Variants in CRYBG3 observed in about 807,000 individuals in gnomAD.
CRYBG3 encodes very large A-kinase anchor protein.
In CRYBG3, 127 loss-of-function variants were observed where a neutral mutation model predicts 244.2. The observed-to-expected ratio is 0.52, with a 90% confidence interval of 0.45 to 0.60. The LOEUF (loss-of-function observed/expected upper bound fraction) is 0.60. Among genes scored for constraint, CRYBG3 ranks in the 20% least tolerant of loss-of-function variants. The pLI, the probability that CRYBG3 is intolerant of heterozygous loss-of-function variation, is 0.00. For synonymous variants in CRYBG3, 1,132 were observed against 1,195.8 expected, an observed-to-expected ratio of 0.95 and a Z score of 1.10; for missense variants, 3,325 against 3,442.5, an observed-to-expected ratio of 0.97 and a Z score of 0.85.
chr3:97,823,209 G>A (rs1168323604), intron 1 of CRYBG3, among the ~76,000 whole-genome samples: 6 of 152,194 alleles, frequency 3.9e-5, no homozygotes, highest in Admixed American at 1.3e-4. Flanking sequence ...GAGGGGTTAA[G>A]TAAAACGCAG....
In CRYBG3 at chr3:97,874,755, C is replaced by T. The variant is rs1281709806; in HGVS notation, c.3561C>T (p.Asp1187=). Residue 1187 remains aspartate (D), a synonymous_variant, in exon 4 of 22, where the codon GAC becomes GAT. Transcript: ENST00000389622. The part of the protein sequence containing the change: ...EHIEARRRAH[D]QLLDLKSSLL... ...TAGAAGCCAGGAGAAGAGCACATGA[C>T]CAACTTTTGGACCTCAAAAGTAGTT... The T allele has an allele frequency of 1.3e-6, 2 of 1,535,938 alleles. No homozygotes were observed. Among genetic ancestry groups the T allele is most frequent in the Non-Finnish European group, 1.7e-6 (2 of 1,146,854 alleles).
intron 17 of CRYBG3, among the ~76,000 whole-genome samples, chr3:97,930,427 A>G (rs982380169): frequency 1.1e-4 from 16 of 152,008 alleles, no homozygotes; most frequent in Non-Finnish European, 2.1e-4. Flanking sequence ...AACTGTTGGG[A>G]TGCTTCCAAT....
At chr3:97,879,003 A>G (rs537193554) in intron 4 of CRYBG3, among the ~76,000 whole-genome samples, 1 of 152,174 alleles carries the variant, frequency 6.6e-6, no homozygotes, top group Non-Finnish European at 1.5e-5. Flanking sequence ...ACCTTAAACA[A>G]TCTTCATGGC....
chr3:97,901,560 C>G (rs2108241225), intron 15 of CRYBG3, among the ~76,000 whole-genome samples: 1 of 152,290 alleles, frequency 6.6e-6, no homozygotes, highest in South Asian at 2.1e-4. Context: ...TATTTAGAGA[C>G]ACTTCCTGCC....
chr3:97,890,083 C>T (rs1180267595), intron 10 of CRYBG3, among the ~76,000 whole-genome samples: 3 of 152,196 alleles, frequency 2.0e-5, no homozygotes, highest in Non-Finnish European at 4.4e-5. Context: ...ACTCCTTCAA[C>T]TCTCCCATTT....
rs750109765 is a variant in CRYBG3 at position 97,941,260 on chromosome 3, A to G, written c.8618A>G (p.Lys2873Arg). The G allele has an allele frequency of 1.9e-6, 3 of 1,611,486 alleles. No individual in the cohort carries two copies. Among genetic ancestry groups the G allele is most frequent in the Middle Eastern group, 1.7e-4 (1 of 6,046 alleles). Residue 2873 changes from lysine to arginine, a missense_variant, in exon 20 of 22, where the codon AAG becomes AGG. Lys to Arg is a conservative substitution (Grantham distance 26). Coordinates refer to ENST00000389622, the MANE Select transcript of CRYBG3 (RefSeq NM_153605.4). ...GTGTGCATTTCTCCCTATAGTGGAA[A>G]GAATACTCAGATCTGGTACTACTGC... ...TSVCISPYSGKNTQIWYYCRG... is the reference protein window; with the variant it reads ...TSVCISPYSGRNTQIWYYCRG...
intron 3 of CRYBG3, chr3:97,867,158 C>T (rs916237866): frequency 2.6e-5 from 4 of 152,038 alleles, no homozygotes; most frequent in Non-Finnish European, 5.9e-5. Flanking sequence ...CTTTAGTAAA[C>T]TTATAGGGAT....
At chr3:97,848,269 G>A (rs2038931279) in intron 2 of CRYBG3, among the ~76,000 whole-genome samples, 1 of 151,976 alleles carries the variant, frequency 6.6e-6, no homozygotes, top group South Asian at 2.1e-4. Flanking sequence ...AATATGTATG[G>A]CTTTAGTGTA....
rs2038512470 is a variant in CRYBG3, at chr3:97,822,335, T to C, written c.129T>C (p.Ala43=). The change falls in exon 1 of 22, where the codon GCT becomes GCC. Residue 43 remains alanine (A), a synonymous_variant. Transcript: ENST00000389622. The stretch of plus-strand genomic sequence containing the variant: ...GGCCGGGGACGAGCCCGCCTCCAGC[T>C]CCAGGCCGGTCCGCTGCCAGGTGGG... ...EERPGTSPPP[A]PGRSAASVEN... The C allele has an allele frequency of 6.6e-7, 1 of 1,504,602 alleles. No homozygotes were observed. The allele number at this position is 1,504,602 out of a possible 1,614,324, so 93.2% of individuals were successfully genotyped here.
intron 1 of CRYBG3, among the ~76,000 whole-genome samples, chr3:97,842,102 G>A (rs1417674181): frequency 6.6e-6 from 1 of 152,062 alleles, no homozygotes; most frequent in Admixed American, 6.6e-5. Flanking sequence ...TCTCTAACTA[G>A]ACTGAGTTTT....
intron 2 of CRYBG3, among the ~76,000 whole-genome samples, chr3:97,863,662 C>A (rs1021130961): frequency 6.6e-6 from 1 of 152,022 alleles, no homozygotes; most frequent in Non-Finnish European, 1.5e-5. Flanking sequence ...GAGGTGTTAT[C>A]TCAAGTACCA....
chr3:97,832,267 C>A (rs900397840), intron 1 of CRYBG3, among the ~76,000 whole-genome samples: 1 of 147,506 alleles, frequency 6.8e-6, no homozygotes, highest in Non-Finnish European at 1.5e-5. Flanking sequence ...CCAAGACAAT[C>A]CTAAGGAAAA....
chr3:97,855,722 G>C (rs1399836250), intron 2 of CRYBG3, among the ~76,000 whole-genome samples: 2 of 152,160 alleles, frequency 1.3e-5, no homozygotes, highest in Non-Finnish European at 2.9e-5. Flanking sequence ...TCACATGTCG[G>C]TAGGTTCTGT....
intron 1 of CRYBG3, among the ~76,000 whole-genome samples, chr3:97,837,610 G>C (rs960524860): frequency 6.6e-6 from 1 of 152,108 alleles, no homozygotes; most frequent in Non-Finnish European, 1.5e-5. Context: ...AATTGGCTCT[G>C]GAAGTGGAGA....
intron 1 of CRYBG3, among the ~76,000 whole-genome samples, chr3:97,823,080 T>C (rs921103862): frequency 5.9e-5 from 9 of 152,204 alleles, no homozygotes; most frequent in Non-Finnish European, 1.2e-4. Flanking sequence ...AATCAAAATG[T>C]ACCCTTTCTC....
At chr3:97,825,254 A>G (rs372831237) in intron 1 of CRYBG3, among the ~76,000 whole-genome samples, 1 of 152,242 alleles carries the variant, frequency 6.6e-6, no homozygotes. Flanking sequence ...TTGCTGAAAT[A>G]TGAAACTTGG....
At chr3:97,892,077 G>T (rs1486313999) in intron 10 of CRYBG3, among the ~76,000 whole-genome samples, 1 of 152,064 alleles carries the variant, frequency 6.6e-6, no homozygotes, top group Admixed American at 6.6e-5. Flanking sequence ...GGATCATACG[G>T]GTAAAGCCAT....
chr3:97,852,648 G>A (rs1243208223), intron 2 of CRYBG3, among the ~76,000 whole-genome samples: 1 of 152,156 alleles, frequency 6.6e-6, no homozygotes, highest in Non-Finnish European at 1.5e-5. Flanking sequence ...TGGGTGTGCA[G>A]ATATCTCTTT....
At chr3:97,899,404 CTA>C in intron 14 of CRYBG3, 141 bp downstream of exon 14, 1 of 814,790 alleles carries the variant, frequency 1.2e-6, no homozygotes, top group South Asian at 1.9e-5. Context: ...ACTTGAATTT[CTA>C]TAGACTCCAT....
Sources: gnomAD v4.1 joint callset for allele counts (sites outside exome capture counted in the v4.1 genomes callset) on GRCh38, gnomAD v4.1.1 for gene constraint, MANE v1.5 for transcripts, NCBI Gene and HGNC (gene_info 2026-07-23, HGNC 2026-07-21) for gene names.